KLHL32: variants seen among roughly 807,000 people sequenced by gnomAD.
KLHL32 encodes the protein kelch like family member 32.
Under a neutral mutation model 64.8 loss-of-function variants are expected in KLHL32, and 35 were observed. That is an observed-to-expected ratio of 0.54 (90% CI 0.41 to 0.72). The LOEUF (loss-of-function observed/expected upper bound fraction) is 0.72, where lower values mean the gene tolerates loss of function less well. KLHL32 is among the 30% of genes least tolerant of loss of function. The probability of loss-of-function intolerance (pLI) is 0.00; values close to 1 mark genes in which losing one functional copy is unlikely to be tolerated. For missense variants in KLHL32, 589 were observed against 768.5 expected (o/e 0.77, Z 2.76); for synonymous variants, 259 against 281.0 (o/e 0.92, Z 0.78).
chr6:96,903,586 G>A, the KLHL32 span, among the ~76,000 whole-genome samples: 5 of 152,136 alleles, frequency 3.3e-5, no homozygotes, highest in African/African-American at 1.2e-4. Context: ...GAGGAGGCCC[G>A]ATGTGACAGC....
At chr6:96,930,055 C>G (rs1276567417) in intron 1 of KLHL32, among the ~76,000 whole-genome samples, 3 of 152,154 alleles carry the variant, frequency 2.0e-5, no homozygotes, top group Admixed American at 6.5e-5. Flanking sequence ...TACTTAGAAG[C>G]AGGCTACCCC....
At chr6:97,081,717 T>C (rs984996735) in intron 5 of KLHL32, among the ~76,000 whole-genome samples, 7 of 152,240 alleles carry the variant, frequency 4.6e-5, no homozygotes, top group African/African-American at 1.4e-4. Flanking sequence ...TTCTACTCTT[T>C]GTAGCTTTTA....
In KLHL32 at chr6:96,974,879, C is replaced by CA. The variant is rs1775522455; in HGVS notation, c.24-1117dup. On this transcript the variant is annotated intron_variant, in intron 2 of 10. Transcript: ENST00000369261. The stretch of plus-strand genomic sequence containing the variant: ...ACAGGAATTACCAACATGGGAGAGA[C>CA]ACAGCTTAATCATCCCAACGGTATT... 5.9e-5 allele frequency among the ~76,000 whole-genome samples: 9 copies of CA among 152,186 alleles called. No homozygotes were observed. In the South Asian group the frequency reaches 1.9e-3, roughly 32 times the overall value.
chr6:97,124,954 A>G (rs139194086), intron 7 of KLHL32, among the ~76,000 whole-genome samples: 1,923 of 152,316 alleles, frequency 0.013, 53 homozygotes, highest in Admixed American at 0.065. Context: ...TCTTGACTAT[A>G]TAGGCATTTC....
intron 3 of KLHL32, among the ~76,000 whole-genome samples, chr6:96,993,244 C>T (rs1433584270): frequency 6.6e-6 from 1 of 152,216 alleles, no homozygotes; most frequent in Non-Finnish European, 1.5e-5. Context: ...GTCAGCTCAG[C>T]TGATCTCTAC....
At chr6:97,132,244 AG>A (rs1308309418) in intron 9 of KLHL32, among the ~76,000 whole-genome samples, 8 of 152,164 alleles carry the variant, frequency 5.3e-5, no homozygotes, top group Non-Finnish European at 8.8e-5. Flanking sequence ...TTGGGGTTGC[AG>A]CTGTTACTTT....
At chr6:96,987,797 G>C (rs989366861) in intron 3 of KLHL32, among the ~76,000 whole-genome samples, 1 of 151,880 alleles carries the variant, frequency 6.6e-6, no homozygotes, top group East Asian at 1.9e-4. Flanking sequence ...GAAATAATGC[G>C]GCATATCTAC....
At chr6:97,129,107 T>C (rs1205282544) in intron 8 of KLHL32, among the ~76,000 whole-genome samples, 1 of 152,212 alleles carries the variant, frequency 6.6e-6, no homozygotes, top group South Asian at 2.1e-4. Context: ...GGGGAACAGA[T>C]AAATGCAAGC....
At chr6:96,917,865 CCTCT>C in the KLHL32 span, among the ~76,000 whole-genome samples, 27 of 152,172 alleles carry the variant, frequency 1.8e-4, no homozygotes, top group Non-Finnish European at 3.5e-4. Flanking sequence ...CCCTAAGCTA[CCTCT>C]CTGAGACTGA....
At chr6:97,091,702 C>T (rs1276362462) in intron 6 of KLHL32, among the ~76,000 whole-genome samples, 3 of 152,196 alleles carry the variant, frequency 2.0e-5, no homozygotes, top group Non-Finnish European at 4.4e-5. Flanking sequence ...AGTGACCCTT[C>T]GCCTTTTGTT....
intron 1 of KLHL32, among the ~76,000 whole-genome samples, chr6:96,931,977 A>G (rs1282890973): frequency 6.6e-6 from 1 of 152,172 alleles, no homozygotes; most frequent in Non-Finnish European, 1.5e-5. Flanking sequence ...TAGGTTCATA[A>G]TTAATATGGA....
the KLHL32 span, among the ~76,000 whole-genome samples, chr6:96,908,734 C>T: frequency 1.9e-3 from 291 of 152,006 alleles, 1 homozygote; most frequent in African/African-American, 6.8e-3. Context: ...GTCCACTGTC[C>T]GCACCCCCCT....
At chr6:97,073,091 G>A (rs948791252) in intron 5 of KLHL32, among the ~76,000 whole-genome samples, 2 of 152,110 alleles carry the variant, frequency 1.3e-5, no homozygotes, top group African/African-American at 2.4e-5. Context: ...ATATAATGTG[G>A]TGCTTCACCT....
intron 5 of KLHL32, among the ~76,000 whole-genome samples, chr6:97,076,413 A>G (rs1463427575): frequency 3.3e-5 from 5 of 152,196 alleles, no homozygotes; most frequent in Admixed American, 2.6e-4. Context: ...ACTTTTGAGA[A>G]TCCTTATCAC....
the KLHL32 span, among the ~76,000 whole-genome samples, chr6:96,906,009 C>T: frequency 6.6e-6 from 1 of 152,146 alleles, no homozygotes; most frequent in African/African-American, 2.4e-5. Flanking sequence ...CCTTTTTATT[C>T]TGGTAGTCCC....
chr6:96,979,348 G>A, intron 3 of KLHL32, among the ~76,000 whole-genome samples: 1 of 152,058 alleles, frequency 6.6e-6, no homozygotes, highest in East Asian at 1.9e-4. Flanking sequence ...TAGTTTCAAT[G>A]TTTGACATAT....
chr6:96,906,781 C>T, the KLHL32 span, among the ~76,000 whole-genome samples: 4 of 152,278 alleles, frequency 2.6e-5, no homozygotes, highest in African/African-American at 4.8e-5. Flanking sequence ...TCATTCCACT[C>T]TTGGTGTAGT....
At chr6:96,949,451 C>A (rs1772311131) in intron 1 of KLHL32, among the ~76,000 whole-genome samples, 1 of 152,134 alleles carries the variant, frequency 6.6e-6, no homozygotes. Flanking sequence ...CCACCATCTA[C>A]CCCGACCAGC....
intron 5 of KLHL32, among the ~76,000 whole-genome samples, chr6:97,071,942 C>A (rs1196782087): frequency 6.6e-6 from 1 of 152,166 alleles, no homozygotes; most frequent in African/African-American, 2.4e-5. Flanking sequence ...AAAATCCAAG[C>A]TAGCTTTCCA....
Sources: gnomAD v4.1 joint callset for allele counts (sites outside exome capture counted in the v4.1 genomes callset) on GRCh38, gnomAD v4.1.1 for gene constraint, MANE v1.5 for transcripts, NCBI Gene and HGNC (gene_info 2026-07-23, HGNC 2026-07-21) for gene names.